DLC1: variants seen among roughly 807,000 people sequenced by gnomAD.
DLC1 encodes the protein rho GTPase-activating protein 7.
Under a neutral mutation model 140.3 loss-of-function variants are expected in DLC1, and 54 were observed. The ratio of observed to expected loss-of-function variants is 0.38; its 90% CI spans 0.31 to 0.48. DLC1 has a LOEUF of 0.48. DLC1 is among the 20% of genes least tolerant of loss of function. The pLI is 0.96. For missense variants in DLC1, 2,536 were observed against 1,907.0 expected, an observed-to-expected ratio of 1.33 and a Z score of -6.14; for synonymous variants, 986 against 728.1, an observed-to-expected ratio of 1.35 and a Z score of -5.70.
chr8:13,531,462 T>A (rs1200887236), intron 1 of DLC1, among the ~76,000 whole-genome samples: 1 of 152,058 alleles, frequency 6.6e-6, no homozygotes, highest in East Asian at 1.9e-4. Flanking sequence ...GATGGGGGCC[T>A]ATAATCCCAG....
At chr8:13,293,809 C>A (rs982838325) in intron 5 of DLC1, among the ~76,000 whole-genome samples, 3 of 151,834 alleles carry the variant, frequency 2.0e-5, no homozygotes, top group Admixed American at 2.0e-4. Context: ...AAATTGTCAT[C>A]TACGTGTGTT....
intron 7 of DLC1, among the ~76,000 whole-genome samples, chr8:13,110,436 T>G (rs1039404532): frequency 6.6e-6 from 1 of 152,184 alleles, no homozygotes; most frequent in African/African-American, 2.4e-5. Flanking sequence ...CATCGTACCC[T>G]TTTAGGAAAC....
intron 2 of DLC1, among the ~76,000 whole-genome samples, chr8:13,406,092 T>A (rs1837544862): frequency 6.7e-6 from 1 of 148,252 alleles, no homozygotes; most frequent in South Asian, 2.2e-4. Flanking sequence ...CTGCAACCTC[T>A]GCCTCCCAGG....
At chr8:13,441,960 C>T (rs979533113) in intron 2 of DLC1, among the ~76,000 whole-genome samples, 1 of 152,208 alleles carries the variant, frequency 6.6e-6, no homozygotes, top group Non-Finnish European at 1.5e-5. Flanking sequence ...AACTATACTA[C>T]AAGGCTACAG....
chr8:13,185,751 T>A (rs567886093), intron 5 of DLC1, among the ~76,000 whole-genome samples: 1 of 152,326 alleles, frequency 6.6e-6, no homozygotes, highest in Non-Finnish European at 1.5e-5. Flanking sequence ...TTGATGGTCT[T>A]TACAATTTGG....
At chr8:13,489,583 G>GAA (rs33974466) in intron 2 of DLC1, among the ~76,000 whole-genome samples, 19 of 149,778 alleles carry the variant, frequency 1.3e-4, no homozygotes, top group African/African-American at 4.2e-4. Context: ...TTATACAAAT[G>GAA]AAAAAAAAAA....
chr8:13,103,811 G>T lies in DLC1; in HGVS notation c.1503-958C>A, dbSNP rs370348912. On this transcript the variant is annotated intron_variant, in intron 7 of 17. Transcript: ENST00000276297. Reference sequence around the variant, plus strand: ...GCTGAGATTGTGCCACTGCACTCCAGCCTGGGCAAAAGAGCCAGACTCCAT... The same window carrying T: ...GCTGAGATTGTGCCACTGCACTCCATCCTGGGCAAAAGAGCCAGACTCCAT... Among the ~76,000 whole-genome samples the T allele has an allele frequency of 3.7e-5, 5 of 135,036 alleles. No homozygotes were observed. The East Asian group carries it at 1.1e-3, about 29-fold the overall frequency. The allele number at this position is 135,036 out of a possible 152,430, so 88.6% of individuals were successfully genotyped here. A position where few individuals can be genotyped will look rare whatever the true frequency, so the allele number is the denominator to read the frequency against.
chr8:13,197,088 C>T (rs184823695), intron 5 of DLC1, among the ~76,000 whole-genome samples: 19 of 152,236 alleles, frequency 1.2e-4, no homozygotes, highest in Admixed American at 3.3e-4. Context: ...CTATTTCATA[C>T]GTTTTGTTTA....
chr8:13,405,676 A>G (rs1837497410), intron 2 of DLC1, among the ~76,000 whole-genome samples: 1 of 152,004 alleles, frequency 6.6e-6, no homozygotes, highest in Non-Finnish European at 1.5e-5. Context: ...TCTCTCCTCA[A>G]CTTCTGCATC....
At chr8:13,580,284 G>A (rs1168742712) in intron 1 of DLC1, among the ~76,000 whole-genome samples, 1 of 151,968 alleles carries the variant, frequency 6.6e-6, no homozygotes, top group Non-Finnish European at 1.5e-5. Context: ...CACCACGCGC[G>A]GCTAATTTTT....
At chr8:13,215,734 T>G (rs1218080219) in intron 5 of DLC1, among the ~76,000 whole-genome samples, 1 of 152,232 alleles carries the variant, frequency 6.6e-6, no homozygotes, top group African/African-American at 2.4e-5. Flanking sequence ...ATCCATATTT[T>G]CTTAAGATTC....
At chr8:13,411,108 C>T (rs1483351010) in intron 2 of DLC1, among the ~76,000 whole-genome samples, 7 of 152,128 alleles carry the variant, frequency 4.6e-5, no homozygotes, top group Admixed American at 2.0e-4. Context: ...CCATAAACAC[C>T]TGCATACAGA....
At chr8:13,247,700 A>C (rs2117269416) in intron 5 of DLC1, among the ~76,000 whole-genome samples, 1 of 152,342 alleles carries the variant, frequency 6.6e-6, no homozygotes, top group East Asian at 1.9e-4. Flanking sequence ...CACCATGCAA[A>C]TGCCTGTCTT....
chr8:13,113,338 G>A (rs561160419), intron 6 of DLC1, among the ~76,000 whole-genome samples: 1 of 152,288 alleles, frequency 6.6e-6, no homozygotes, highest in African/African-American at 2.4e-5. Flanking sequence ...CCAGCACACA[G>A]TGGCAGGAAA....
At chr8:13,279,557 A>G (rs1253409753) in intron 5 of DLC1, among the ~76,000 whole-genome samples, 1 of 152,182 alleles carries the variant, frequency 6.6e-6, no homozygotes, top group Non-Finnish European at 1.5e-5. Context: ...GAGCAAGGCA[A>G]ACTTTAATTA....
intron 4 of DLC1, among the ~76,000 whole-genome samples, chr8:13,388,412 C>G (rs1250095177): frequency 6.6e-6 from 1 of 151,924 alleles, no homozygotes; most frequent in East Asian, 1.9e-4. Context: ...CAGACACAAG[C>G]AAAACCACAC....
chr8:13,438,276 G>A (rs1327113415), intron 2 of DLC1, among the ~76,000 whole-genome samples: 2 of 152,138 alleles, frequency 1.3e-5, no homozygotes, highest in East Asian at 1.9e-4. Flanking sequence ...AGCAGTCAGA[G>A]TTGAAATGAT....
chr8:13,411,431 G>A (rs289614), intron 2 of DLC1, among the ~76,000 whole-genome samples: 1 of 152,156 alleles, frequency 6.6e-6, no homozygotes, highest in Non-Finnish European at 1.5e-5. Flanking sequence ...GAGTTTTAGG[G>A]CAGTGAAACT....
intron 5 of DLC1, among the ~76,000 whole-genome samples, chr8:13,160,600 C>A (rs1563122764): frequency 6.6e-6 from 1 of 152,224 alleles, no homozygotes; most frequent in African/African-American, 2.4e-5. Flanking sequence ...TCCTCTCTCT[C>A]TCTTACCTGG....
Sources: gnomAD v4.1 joint callset for allele counts (sites outside exome capture counted in the v4.1 genomes callset) on GRCh38, gnomAD v4.1.1 for gene constraint, MANE v1.5 for transcripts, NCBI Gene and HGNC (gene_info 2026-07-23, HGNC 2026-07-21) for gene names.